The following NOB1 variants were observed in gnomAD, a reference collection of about 807,000 sequenced individuals.
NOB1 encodes NIN1 (RPN12) binding protein 1 homolog, also known as RNA-binding protein NOB1.
A neutral mutation model predicts 44.8 loss-of-function variants in NOB1; 44 were observed. The observed-to-expected ratio is 0.98, with a 90% CI of 0.77 to 1.26. The LOEUF (loss-of-function observed/expected upper bound fraction) is 1.26. NOB1 is among the 50% of genes most tolerant of loss of function. The probability of loss-of-function intolerance (pLI) is 0.00; values close to 1 mark genes in which losing one functional copy is unlikely to be tolerated. For missense variants in NOB1, 560 were observed against 544.8 expected (o/e 1.03, Z -0.28); for synonymous variants, 238 against 218.7 (o/e 1.09, Z -0.78).
chr16:69,746,908 A>C (rs981762021), intron 7 of NOB1, among the ~76,000 whole-genome samples: 10 of 151,052 alleles, frequency 6.6e-5, no homozygotes, highest in Non-Finnish European at 1.2e-4. Context: ...TCAGAAAAAA[A>C]CAAAAAACCC....
chr16:69,743,324 A>G (rs1443817893), intron 8 of NOB1, among the ~76,000 whole-genome samples: 3 of 152,226 alleles, frequency 2.0e-5, no homozygotes, highest in African/African-American at 4.8e-5. Context: ...TAATCACTAT[A>G]ATAACTGTTT....
intron 2 of NOB1, among the ~76,000 whole-genome samples, chr16:69,752,708 G>A (rs1388629523): frequency 6.6e-6 from 1 of 152,116 alleles, no homozygotes; most frequent in African/African-American, 2.4e-5. Context: ...GGGAGGCAGA[G>A]GTGGGCGGAT....
rs749334665 is a variant in NOB1 at position 69,748,266 on chromosome 16, G to A, written c.790C>T (p.Arg264Trp). The change falls in exon 7 of 9, where the codon CGG (arginine) becomes TGG (tryptophan). Residue 264 changes from arginine to tryptophan, a missense_variant. Physicochemically the swap from Arg to Trp is moderately radical, Grantham distance 101. Transcript: ENST00000268802. ...AVNGMLIREARSYILRCHGCF... is the reference protein window; with the variant it reads ...AVNGMLIREAWSYILRCHGCF... ...CCATGGCAGCGCAAGATGTAGCTCC[G>A]GGCCTCACGAATCAGCATGCCGTTC... is the stretch of plus-strand genomic sequence containing the variant. 1.9e-5 allele frequency: 31 copies of A among 1,613,846 alleles called. No homozygotes were observed. The highest frequency in any genetic ancestry group is 1.1e-4 in the African/African-American group (8 of 74,916).
intron 3 of NOB1, among the ~76,000 whole-genome samples, chr16:69,749,888 G>T (rs1405354663): frequency 1.3e-5 from 2 of 150,840 alleles, no homozygotes; most frequent in African/African-American, 4.9e-5. Flanking sequence ...TGAAGCAGGA[G>T]AATTCCTTGA....
chr16:69,752,159 C>T, intron 3 of NOB1, 82 bp downstream of exon 3: 1 of 1,318,804 alleles, frequency 7.6e-7, no homozygotes, highest in Non-Finnish European at 1.1e-6. Context: ...AACCCTGGGT[C>T]CATTACACTA....
rs557960993 is a variant in NOB1, at chr16:69,748,166, A to C, written c.824+66T>G. The C allele has an allele frequency of 9.5e-5, 123 of 1,294,814 alleles. No individual in the cohort carries two copies. In the African/African-American group the frequency reaches 1.6e-3, roughly 17 times the overall value. 80.2% of individuals were successfully genotyped at this position (1,294,814 alleles called of 1,614,324 possible). A position where few individuals can be genotyped will look rare whatever the true frequency, so the allele number is the denominator to read the frequency against. The stretch of plus-strand genomic sequence containing the variant: ...GGTGACAGAGCGAGACTGTTTCTCA[A>C]AACAAAAAAAGAAACAGGAAGAGTG... On this transcript the variant is annotated intron_variant, in intron 7 of 8. Coordinates refer to ENST00000268802, the MANE Select transcript of NOB1 (RefSeq NM_014062.3).
At chr16:69,743,989 C>T (rs2038407091) in intron 8 of NOB1, among the ~76,000 whole-genome samples, 1 of 152,182 alleles carries the variant, frequency 6.6e-6, no homozygotes, top group African/African-American at 2.4e-5. Flanking sequence ...AGAAAGCAGA[C>T]GTGGTACATG....
chr16:69,747,055 T>A (rs958115124), intron 7 of NOB1, among the ~76,000 whole-genome samples: 9 of 150,836 alleles, frequency 6.0e-5, no homozygotes, highest in Non-Finnish European at 1.2e-4. Flanking sequence ...ACCCCGTCTC[T>A]ACTAAAAATA....
intron 7 of NOB1, among the ~76,000 whole-genome samples, chr16:69,746,049 G>A (rs2038427935): frequency 6.6e-6 from 1 of 152,246 alleles, no homozygotes; most frequent in African/African-American, 2.4e-5. Flanking sequence ...GGGACGTAAA[G>A]CTTCAGAGGA....
intron 7 of NOB1, among the ~76,000 whole-genome samples, chr16:69,747,529 A>C (rs1373877911): frequency 1.6e-4 from 25 of 152,204 alleles, no homozygotes; most frequent in Admixed American, 1.6e-3. Context: ...ACCTCCATGT[A>C]TCCATCACCC....
rs1292980079 is a variant in NOB1, at chr16:69,746,768, G to A, written c.824+1464C>T. On this transcript the variant is annotated intron_variant, in intron 7 of 8. Transcript: ENST00000268802. ...TAAAAATACAAAAAGTTAGCCAGAT[G>A]TGGTGGCGGGTGCCTGTAGTCCCAG... Among the ~76,000 whole-genome samples the A allele has an allele frequency of 3.3e-5, 5 of 152,252 alleles. No homozygotes were observed. The East Asian group carries it at 9.6e-4, about 29-fold the overall frequency.
chr16:69,749,307 T>G lies in NOB1; in HGVS notation c.431A>C (p.His144Pro). ...PKPPQETEKG[H>P]SACEPENLEF... ...CAGGTTCTCAGGCTCACAAGCTGAG[T>G]GTCCTTTTTCTGTTTCTTGTGGGGG... The change falls in exon 5 of 9, where the codon CAC becomes CCC. Residue 144 changes from histidine to proline, a missense_variant. His to Pro is a moderately conservative substitution (Grantham distance 77). Coordinates refer to ENST00000268802, the MANE Select transcript of NOB1 (RefSeq NM_014062.3). 1.2e-6 allele frequency: 2 copies of G among 1,605,484 alleles called. No individual in the cohort carries two copies. Among genetic ancestry groups the G allele is most frequent in the Non-Finnish European group, 1.7e-6 (2 of 1,177,918 alleles).
chr16:69,746,071 G>A (rs79739961), intron 7 of NOB1, among the ~76,000 whole-genome samples: 2,900 of 152,356 alleles, frequency 0.019, 42 homozygotes, highest in Non-Finnish European at 0.029. Flanking sequence ...GGTATGGGCC[G>A]CTCTGAGGAG....
chr16:69,754,269 T>G (rs904983617), intron 2 of NOB1, among the ~76,000 whole-genome samples: 4 of 152,262 alleles, frequency 2.6e-5, no homozygotes, highest in Non-Finnish European at 4.4e-5. Context: ...ATTTATTGCT[T>G]GTCTGCAAAG....
intron 8 of NOB1, among the ~76,000 whole-genome samples, chr16:69,744,553 A>G (rs2038412563): frequency 1.3e-5 from 2 of 151,646 alleles, no homozygotes; most frequent in Admixed American, 1.3e-4. Flanking sequence ...TGTGCTTTCC[A>G]CACCCGTTCC....
chr16:69,751,551 T>C (rs971796901), intron 3 of NOB1, among the ~76,000 whole-genome samples: 2 of 151,640 alleles, frequency 1.3e-5, no homozygotes, highest in Non-Finnish European at 2.9e-5. Flanking sequence ...TTGCAATGTA[T>C]GAACCTCATT....
chr16:69,746,130 G>A (rs952363391), intron 7 of NOB1, among the ~76,000 whole-genome samples: 1 of 152,382 alleles, frequency 6.6e-6, no homozygotes, highest in South Asian at 2.1e-4. Context: ...GGGGCCCCAA[G>A]CCTGAGTGCT....
rs752218885 is a variant in NOB1 at position 69,748,244 on chromosome 16, T to C, written c.812A>G (p.His271Arg). 5.6e-6 allele frequency: 9 copies of C among 1,613,624 alleles called. No homozygotes were observed. Among genetic ancestry groups the C allele is most frequent in the South Asian group, 2.2e-5 (2 of 91,068 alleles). The change falls in exon 7 of 9, where the codon CAT (histidine) becomes CGT (arginine). Residue 271 changes from histidine to arginine, a missense_variant. Transcript: ENST00000268802. ...ACCAGCTACATACTTGAAACAGCCA[T>C]GGCAGCGCAAGATGTAGCTCCGGGC... is the stretch of plus-strand genomic sequence containing the variant. ...REARSYILRC[H>R]GCFKTTSDMS...
intron 3 of NOB1, among the ~76,000 whole-genome samples, chr16:69,750,831 G>T (rs1012960536): frequency 3.3e-5 from 5 of 152,142 alleles, no homozygotes; most frequent in African/African-American, 1.2e-4. Context: ...CCATAGTTTT[G>T]ATGACTTTAG....
Sources: gnomAD v4.1 joint callset for allele counts (sites outside exome capture counted in the v4.1 genomes callset) on GRCh38, gnomAD v4.1.1 for gene constraint, MANE v1.5 for transcripts, NCBI Gene and HGNC (gene_info 2026-07-23, HGNC 2026-07-21) for gene names.